AGBL4: variants seen among roughly 807,000 people sequenced by gnomAD.
AGBL4 encodes cytosolic carboxypeptidase 6.
AGBL4 carries 58 observed loss-of-function variants against 66.4 expected under a neutral mutation model. The ratio of observed to expected loss-of-function variants is 0.87; its 90% CI spans 0.71 to 1.09. The LOEUF is 1.09. Ranked by LOEUF, AGBL4 falls within the 50% of genes least tolerant of loss-of-function variation. The pLI, the probability that AGBL4 is intolerant of heterozygous loss-of-function variation, is 0.00. For synonymous variants in AGBL4, 234 were observed against 222.9 expected (o/e 1.05, Z -0.44); for missense variants, 579 against 631.0 (o/e 0.92, Z 0.88).
intron 3 of AGBL4, among the ~76,000 whole-genome samples, chr1:49,643,600 T>C (rs1018630929): frequency 6.6e-6 from 1 of 151,714 alleles, no homozygotes; most frequent in Non-Finnish European, 1.5e-5. Context: ...AGAGGCATTA[T>C]GCACATGGTA....
chr1:48,548,860 C>T (rs945746516), intron 11 of AGBL4, among the ~76,000 whole-genome samples: 4 of 152,156 alleles, frequency 2.6e-5, no homozygotes, highest in East Asian at 3.8e-4. Flanking sequence ...CAAGTATTGG[C>T]GCAAGGAGGA....
At chr1:49,472,662 T>G (rs997338082) in intron 3 of AGBL4, among the ~76,000 whole-genome samples, 3 of 152,008 alleles carry the variant, frequency 2.0e-5, no homozygotes, top group Non-Finnish European at 4.4e-5. Context: ...TTTTGGATTA[T>G]TATTTTCATT....
intron 6 of AGBL4, among the ~76,000 whole-genome samples, chr1:48,705,961 G>C (rs868731031): frequency 1.8e-4 from 27 of 152,226 alleles, no homozygotes; most frequent in Admixed American, 7.2e-4. Context: ...AGGTTACATG[G>C]CATACATAGA....
At chr1:49,852,964 T>C (rs991519395) in intron 1 of AGBL4, among the ~76,000 whole-genome samples, 25 of 152,224 alleles carry the variant, frequency 1.6e-4, no homozygotes, top group African/African-American at 5.5e-4. Flanking sequence ...CCAAGCTAGG[T>C]TGACACAAGC....
intron 4 of AGBL4, among the ~76,000 whole-genome samples, chr1:49,117,460 C>T (rs1645550867): frequency 6.6e-6 from 1 of 152,164 alleles, no homozygotes; most frequent in African/African-American, 2.4e-5. Flanking sequence ...TTCCCAGCAC[C>T]ATTTATTAAA....
intron 4 of AGBL4, among the ~76,000 whole-genome samples, chr1:49,242,053 G>A (rs541585162): frequency 6.6e-6 from 1 of 151,862 alleles, no homozygotes; most frequent in Admixed American, 6.6e-5. Context: ...GGCCTTAATA[G>A]TATAATTTTC....
At chr1:49,587,118 T>C (rs989600798) in intron 3 of AGBL4, among the ~76,000 whole-genome samples, 5 of 152,030 alleles carry the variant, frequency 3.3e-5, no homozygotes, top group Non-Finnish European at 4.4e-5. Flanking sequence ...TAGTGGCATA[T>C]GCCTGTAGTC....
At chr1:49,727,063 A>T (rs1649085859) in intron 2 of AGBL4, among the ~76,000 whole-genome samples, 1 of 152,180 alleles carries the variant, frequency 6.6e-6, no homozygotes, top group Non-Finnish European at 1.5e-5. Flanking sequence ...TCAGTAGAGG[A>T]AGTGGATAAA....
chr1:49,872,465 CAT>C (rs1646861151), intron 1 of AGBL4, among the ~76,000 whole-genome samples: 2 of 152,008 alleles, frequency 1.3e-5, no homozygotes, highest in Admixed American at 1.3e-4. Flanking sequence ...AAAACTTTGC[CAT>C]ATCTCTTGTC....
intron 3 of AGBL4, among the ~76,000 whole-genome samples, chr1:49,384,061 C>G (rs1460296608): frequency 6.6e-6 from 1 of 151,932 alleles, no homozygotes; most frequent in Non-Finnish European, 1.5e-5. Flanking sequence ...TCCCAAAGTG[C>G]TGGGACTATA....
chr1:49,697,736 T>A (rs149030420), intron 2 of AGBL4, among the ~76,000 whole-genome samples: 132 of 152,230 alleles, frequency 8.7e-4, no homozygotes, highest in African/African-American at 3.2e-3. Context: ...TAAGCCCCTA[T>A]AAACCAAGAG....
intron 4 of AGBL4, among the ~76,000 whole-genome samples, chr1:49,078,037 C>T (rs1212454446): frequency 6.6e-6 from 1 of 152,110 alleles, no homozygotes; most frequent in African/African-American, 2.4e-5. Context: ...CTAAGGTCCA[C>T]ACCTTACTGA....
At chr1:49,764,354 C>T (rs1652577174) in intron 2 of AGBL4, among the ~76,000 whole-genome samples, 1 of 152,110 alleles carries the variant, frequency 6.6e-6, no homozygotes, top group Admixed American at 6.5e-5. Flanking sequence ...ACCGCTTATG[C>T]CTAAACACAG....
chr1:49,244,517 C>A (rs1651481347), intron 4 of AGBL4, among the ~76,000 whole-genome samples: 2 of 151,766 alleles, frequency 1.3e-5, no homozygotes, highest in African/African-American at 4.8e-5. Flanking sequence ...TAAACCTGAG[C>A]TTCTCAGCCC....
At chr1:49,981,628 G>C (rs1173469823) in intron 1 of AGBL4, among the ~76,000 whole-genome samples, 1 of 152,064 alleles carries the variant, frequency 6.6e-6, no homozygotes. Context: ...TCAAATCATA[G>C]CTCCACCAAT....
chr1:48,620,422 G>A (rs984985444), intron 9 of AGBL4, among the ~76,000 whole-genome samples: 2 of 151,972 alleles, frequency 1.3e-5, no homozygotes, highest in Admixed American at 6.6e-5. Flanking sequence ...GACTACAGGT[G>A]CGCACCATCA....
At chr1:48,670,115 G>A (rs182978015) in intron 6 of AGBL4, among the ~76,000 whole-genome samples, 6 of 152,204 alleles carry the variant, frequency 3.9e-5, no homozygotes, top group South Asian at 4.1e-4. Context: ...AATATCAGGC[G>A]CTGGGGACAG....
intron 6 of AGBL4, among the ~76,000 whole-genome samples, chr1:48,846,845 A>G (rs912593272): frequency 6.6e-6 from 1 of 152,162 alleles, no homozygotes; most frequent in African/African-American, 2.4e-5. Context: ...CTTGAACAAC[A>G]TAAAATAACC....
At chr1:48,569,239 A>G (rs1017594120) in intron 11 of AGBL4, among the ~76,000 whole-genome samples, 2 of 152,244 alleles carry the variant, frequency 1.3e-5, no homozygotes, top group Non-Finnish European at 2.9e-5. Context: ...ATGTCTGATC[A>G]GGGAAGAATA....
Sources: allele counts gnomAD v4.1 joint callset (sites outside exome capture counted in the v4.1 genomes callset), GRCh38; gene constraint gnomAD v4.1.1; transcripts MANE v1.5; gene names NCBI Gene and HGNC (gene_info 2026-07-23, HGNC 2026-07-21).